Variants in LRCH2 observed in about 807,000 individuals in gnomAD.
The protein encoded by LRCH2 is leucine-rich repeat and calponin homology domain-containing protein 2.
A neutral mutation model predicts 68.9 loss-of-function variants in LRCH2; 38 were observed. The observed-to-expected ratio is 0.55, with a 90% CI of 0.43 to 0.72. The LOEUF is 0.72. LRCH2 is among the 30% of genes least tolerant of loss of function. The pLI, the probability that LRCH2 is intolerant of heterozygous loss-of-function variation, is 0.00. For missense variants in LRCH2, 528 were observed against 572.9 expected, an observed-to-expected ratio of 0.92 and a Z score of 0.80; for synonymous variants, 191 against 208.1, an observed-to-expected ratio of 0.92 and a Z score of 0.71.
At chrX:115,184,682 G>T in intron 2 of LRCH2, 145 bp from the exon 3 acceptor site, 1 of 468,913 alleles carries the variant, frequency 2.1e-6, no homozygotes, top group Non-Finnish European at 3.3e-6. Context: ...TTTGTATCAG[G>T]CACAGTGTTA....
At chrX:115,182,974 G>C (rs1400429240) in intron 3 of LRCH2, among the ~76,000 whole-genome samples, 3 of 109,638 alleles carry the variant, frequency 2.7e-5, no homozygotes, top group Non-Finnish European at 5.7e-5. Context: ...AAAAATGATA[G>C]AAGCATGTAT....
At chrX:115,223,644 G>A (rs1168087695) in intron 1 of LRCH2, among the ~76,000 whole-genome samples, 2 of 110,272 alleles carry the variant, frequency 1.8e-5, no homozygotes, top group Admixed American at 9.7e-5. Flanking sequence ...CGCTGGGCAC[G>A]GTGGCTCACG....
intron 14 of LRCH2, among the ~76,000 whole-genome samples, chrX:115,140,914 GAC>G (rs1424265523): frequency 1.8e-5 from 2 of 111,051 alleles, no homozygotes; most frequent in African/African-American, 6.6e-5. Flanking sequence ...GAAAAAATAA[GAC>G]ACAATGACCT....
At chrX:115,152,011 G>A (rs948433256) in intron 12 of LRCH2, among the ~76,000 whole-genome samples, 1 of 111,338 alleles carries the variant, frequency 9.0e-6, no homozygotes, top group African/African-American at 3.3e-5. Context: ...TCATCTGAGC[G>A]TACTGATCAT....
rs2072417097 is a variant in LRCH2 at position 115,149,743 on chromosome X, A to G, written c.1695+84T>C. The G allele has an allele frequency of 1.1e-5, 6 of 530,738 alleles. No homozygotes were observed. The Admixed American group carries it at 1.7e-4, about 15-fold the overall frequency. 43.7% of individuals were successfully genotyped at this position (530,738 alleles called of 1,213,427 possible). On this transcript the variant is annotated intron_variant, in intron 14 of 20. Transcript: ENST00000317135. Reference sequence around the variant, plus strand: ...TTACTACATTTAACTAGAGAGTTACAGTCTACCTTATTAACTCAAAACAAA... The same window carrying G: ...TTACTACATTTAACTAGAGAGTTACGGTCTACCTTATTAACTCAAAACAAA...
chrX:115,141,783 A>C (rs1556534360), intron 14 of LRCH2, among the ~76,000 whole-genome samples: 1 of 108,306 alleles, frequency 9.2e-6, no homozygotes, highest in Non-Finnish European at 1.9e-5. Flanking sequence ...CTGAGGCAGG[A>C]AAATTGCTTG....
intron 1 of LRCH2, chrX:115,192,625 G>A (rs1400952006): frequency 2.6e-6 from 3 of 1,168,868 alleles, no homozygotes; most frequent in Non-Finnish European, 2.3e-6. Context: ...CGAGAGGGGG[G>A]AAGGCCGGAG....
intron 1 of LRCH2, among the ~76,000 whole-genome samples, chrX:115,195,139 C>G (rs1200985746): frequency 9.1e-6 from 1 of 110,167 alleles, no homozygotes; most frequent in Non-Finnish European, 1.9e-5. Flanking sequence ...CAAAAATTAG[C>G]CAGACGTGGT....
At chrX:115,151,975 G>A (rs1175514175) in intron 12 of LRCH2, among the ~76,000 whole-genome samples, 1 of 111,210 alleles carries the variant, frequency 9.0e-6, no homozygotes, top group Non-Finnish European at 1.9e-5. Context: ...AAAGGAAAGA[G>A]ATCTACAGAG....
rs902066511 is a variant in LRCH2, at chrX:115,131,352, G to A, written c.1696-1153C>T. On this transcript the variant is annotated intron_variant, in intron 14 of 20. Coordinates refer to ENST00000317135, the MANE Select transcript of LRCH2 (RefSeq NM_020871.4). ...TTCCCACCTACGACTGAGAACATGC[G>A]GTGTTTGGTTTTCTGTCCTTGCGAC... 8.4e-5 allele frequency among the ~76,000 whole-genome samples: 9 copies of A among 107,577 alleles called. No homozygotes were observed. The South Asian group carries it at 2.1e-3, about 25-fold the overall frequency. 93.4% of individuals were successfully genotyped at this position (107,577 alleles called of 115,157 possible).
intron 5 of LRCH2, among the ~76,000 whole-genome samples, chrX:115,171,824 C>A (rs992364243): frequency 9.2e-6 from 1 of 109,179 alleles, no homozygotes; most frequent in Admixed American, 9.9e-5. Context: ...AAATTACAGG[C>A]ACACACCACC....
rs1556526544 is a variant in LRCH2 at position 115,123,042 on chromosome X, T to C, written c.1962+38A>G. 5 of 1,167,093 alleles carry C rather than the reference T, an allele frequency of 4.3e-6. No homozygotes were observed. In the South Asian group the frequency reaches 7.5e-5, roughly 17 times the overall value. On this transcript the variant is annotated intron_variant, in intron 18 of 20. Coordinates refer to ENST00000317135, the MANE Select transcript of LRCH2 (RefSeq NM_020871.4). ...TTATTAATTTTCCAAGTTAAACCCA[T>C]TTCCACAAAGCAGATCTGAAAGAGC...
At chrX:115,122,432 T>C (rs782591132) in intron 20 of LRCH2, 95 bp downstream of exon 20, 43 of 674,919 alleles carry the variant, frequency 6.4e-5, no homozygotes, top group Non-Finnish European at 9.3e-5. Context: ...ATTTTCATGT[T>C]CAGAAAGCAT....
At chrX:115,218,565 T>C (rs2073057138) in intron 1 of LRCH2, among the ~76,000 whole-genome samples, 1 of 112,421 alleles carries the variant, frequency 8.9e-6, no homozygotes, top group Non-Finnish European at 1.9e-5. Context: ...AGCCTCTGAT[T>C]GTTTGTTTTT....
chrX:115,119,890 G>C (rs2072120907), intron 20 of LRCH2, among the ~76,000 whole-genome samples: 1 of 110,599 alleles, frequency 9.0e-6, no homozygotes. Flanking sequence ...TCTGATCTTT[G>C]ACAGACCTGA....
At chrX:115,188,887 G>A (rs367601555) in intron 1 of LRCH2, among the ~76,000 whole-genome samples, 2 of 112,282 alleles carry the variant, frequency 1.8e-5, no homozygotes, top group East Asian at 2.8e-4. Flanking sequence ...TATTTGATAT[G>A]CTTCAGTATA....
chrX:115,195,451 AAAT>A (rs1440339855), intron 1 of LRCH2, among the ~76,000 whole-genome samples: 1 of 108,383 alleles, frequency 9.2e-6, no homozygotes, highest in Non-Finnish European at 1.9e-5. Context: ...AGAAGGCTGA[AAAT>A]AATAGTCATG....
chrX:115,233,472 C>T (rs1156505000), intron 1 of LRCH2, among the ~76,000 whole-genome samples: 3 of 111,869 alleles, frequency 2.7e-5, no homozygotes, highest in Non-Finnish European at 5.6e-5. Context: ...TCACCCCTAA[C>T]ATCCTACCAG....
chrX:115,120,185 T>C (rs1462334826), intron 20 of LRCH2, among the ~76,000 whole-genome samples: 3 of 97,994 alleles, frequency 3.1e-5, no homozygotes, highest in Non-Finnish European at 6.1e-5. Context: ...CTAATTCAAC[T>C]AAAGAGCTTC....
Sources: gnomAD v4.1 joint callset for allele counts (sites outside exome capture counted in the v4.1 genomes callset) on GRCh38, gnomAD v4.1.1 for gene constraint, MANE v1.5 for transcripts, NCBI Gene and HGNC (gene_info 2026-07-23, HGNC 2026-07-21) for gene names.